Variants in GPR158 observed in about 807,000 individuals in gnomAD.
The protein encoded by GPR158 is metabotropic glycine receptor.
A neutral mutation model predicts 78.2 loss-of-function variants in GPR158; 30 were observed. That is an observed-to-expected ratio of 0.38 (90% CI 0.29 to 0.52). GPR158 has a LOEUF of 0.52. Among genes scored for constraint, GPR158 ranks in the 20% least tolerant of loss-of-function variants. The pLI is 0.83. For missense variants in GPR158, 1,463 were observed against 1,523.5 expected (o/e 0.96, Z 0.66); for synonymous variants, 581 against 591.1 (o/e 0.98, Z 0.25).
At chr10:25,192,231 C>G (rs554766518) in intron 1 of GPR158, among the ~76,000 whole-genome samples, 56 of 152,254 alleles carry the variant, frequency 3.7e-4, no homozygotes, top group African/African-American at 1.3e-3. Flanking sequence ...TCATTTTCCC[C>G]ACTGCCACCT....
At position 25,176,372 on chromosome 10, in the gene GPR158, C is replaced by A; in HGVS notation, c.902+50C>A. 7.1e-7 allele frequency: 1 copy of A among 1,408,776 alleles called. No homozygotes were observed. The highest frequency in any genetic ancestry group is 9.6e-7 in the Non-Finnish European group (1 of 1,041,930). The allele number at this position is 1,408,776 out of a possible 1,614,324, so 87.3% of individuals were successfully genotyped here. A position where few individuals can be genotyped will look rare whatever the true frequency, so the allele number is the denominator to read the frequency against. On this transcript the variant is annotated intron_variant, in intron 1 of 10. Coordinates refer to ENST00000376351, the MANE Select transcript of GPR158 (RefSeq NM_020752.3). This position sits in a 1 kb window ranked among gnomAD's most constrained non-coding sequence, Gnocchi z 6.3. ...GGAAGGCAAAAGCGAAGCTTTCCTT[C>A]CGGTCTTGTGGGTGGGTGCACGTGT...
chr10:25,275,770 C>A (rs561007721), intron 2 of GPR158, among the ~76,000 whole-genome samples: 3 of 152,006 alleles, frequency 2.0e-5, no homozygotes, highest in South Asian at 2.1e-4. Context: ...GTCATTTTGC[C>A]CAATTCTGTC....
chr10:25,504,442 T>G (rs575376739), intron 5 of GPR158, among the ~76,000 whole-genome samples: 11 of 152,330 alleles, frequency 7.2e-5, no homozygotes, highest in African/African-American at 2.6e-4. Flanking sequence ...CTCTAATCTC[T>G]TAGCCTTGTT....
intron 2 of GPR158, among the ~76,000 whole-genome samples, chr10:25,336,513 T>G (rs1249278770): frequency 5.3e-5 from 8 of 152,058 alleles, no homozygotes; most frequent in Non-Finnish European, 8.8e-5. Flanking sequence ...CTGATAGATC[T>G]TATCCTGTTT....
chr10:25,237,944 C>T (rs1324514650), intron 2 of GPR158, among the ~76,000 whole-genome samples: 1 of 151,814 alleles, frequency 6.6e-6, no homozygotes, highest in Non-Finnish European at 1.5e-5. Context: ...CCCTTTCTCA[C>T]TCCCTCCCCT....
chr10:25,418,137 A>C (rs1834689994), intron 4 of GPR158, among the ~76,000 whole-genome samples: 1 of 152,188 alleles, frequency 6.6e-6, no homozygotes, highest in African/African-American at 2.4e-5. Flanking sequence ...CTCAAATGAA[A>C]TATTAGGTGA....
chr10:25,476,677 A>G (rs1309910171), intron 5 of GPR158, among the ~76,000 whole-genome samples: 1 of 152,142 alleles, frequency 6.6e-6, no homozygotes, highest in East Asian at 1.9e-4. Flanking sequence ...AAAGCCAAGA[A>G]TTAAATCCAT....
At chr10:25,308,443 T>G (rs536064567) in intron 2 of GPR158, among the ~76,000 whole-genome samples, 1 of 152,290 alleles carries the variant, frequency 6.6e-6, no homozygotes, top group African/African-American at 2.4e-5. Context: ...GACTGTCTTT[T>G]TATGTGGTTA....
At chr10:25,508,281 A>G (rs1306275269) in intron 5 of GPR158, among the ~76,000 whole-genome samples, 2 of 152,150 alleles carry the variant, frequency 1.3e-5, no homozygotes, top group Non-Finnish European at 2.9e-5. Flanking sequence ...GAAAACTGAA[A>G]CCACATGCTC....
At chr10:25,342,396 T>C (rs1186725564) in intron 2 of GPR158, among the ~76,000 whole-genome samples, 1 of 151,994 alleles carries the variant, frequency 6.6e-6, no homozygotes, top group Non-Finnish European at 1.5e-5. Flanking sequence ...TCCTAATACC[T>C]GTTTTTCTTA....
At chr10:25,337,635 T>C (rs896247059) in intron 2 of GPR158, among the ~76,000 whole-genome samples, 2 of 152,078 alleles carry the variant, frequency 1.3e-5, no homozygotes, top group Non-Finnish European at 2.9e-5. Context: ...TATTTATACA[T>C]TTCTGTTGAG....
At chr10:25,293,996 C>T (rs1854476649) in intron 2 of GPR158, among the ~76,000 whole-genome samples, 1 of 152,192 alleles carries the variant, frequency 6.6e-6, no homozygotes. Context: ...TCACCTGCCT[C>T]AGCCTCCCAA....
Position 25,176,066 on chromosome 10 carries a change from G to A in GPR158, c.646G>A (p.Ala216Thr), listed in dbSNP as rs968674168. 1.9e-6 allele frequency: 3 copies of A among 1,604,184 alleles called. No individual in the cohort carries two copies. The South Asian group carries it at 3.3e-5, about 18-fold the overall frequency. ...CTCCTCCGCACCCCACCTGGCCAACGCCACTCTGGAGACCGAGTGGTTCCA... is the reference window on the plus strand; with the variant it reads ...CTCCTCCGCACCCCACCTGGCCAACACCACTCTGGAGACCGAGTGGTTCCA... Reference protein sequence around the residue: ...LSSSAPHLANATLETEWFHGL... With the variant: ...LSSSAPHLANTTLETEWFHGL... Residue 216 changes from alanine to threonine, a missense_variant, in exon 1 of 11, where the codon GCC becomes ACC. Coordinates refer to ENST00000376351, the MANE Select transcript of GPR158 (RefSeq NM_020752.3). The surrounding 1 kb of genome is among the most constrained non-coding windows in gnomAD (Gnocchi z 6.3).
chr10:25,435,722 G>A (rs1323571494), intron 4 of GPR158, among the ~76,000 whole-genome samples: 1 of 152,138 alleles, frequency 6.6e-6, no homozygotes, highest in Non-Finnish European at 1.5e-5. Context: ...ATTTATAGGT[G>A]GTCCTGTTGA....
rs528500316 is a variant in GPR158 at position 25,284,853 on chromosome 10, A to G, written c.1008+63696A>G. The stretch of plus-strand genomic sequence containing the variant: ...CTCAAAGTCTACCTTAAAATAATAT[A>G]CTGTTTCAATATAGTATAAATACTT... On this transcript the variant is annotated intron_variant, in intron 2 of 10. Coordinates refer to ENST00000376351, the MANE Select transcript of GPR158 (RefSeq NM_020752.3). Among the ~76,000 whole-genome samples the G allele has an allele frequency of 8.5e-5, 13 of 152,210 alleles. No individual in the cohort carries two copies. In the East Asian group the frequency reaches 2.5e-3, roughly 29 times the overall value.
At chr10:25,595,860 C>G (rs145981678) in intron 9 of GPR158, among the ~76,000 whole-genome samples, 1 of 152,210 alleles carries the variant, frequency 6.6e-6, no homozygotes, top group East Asian at 1.9e-4. Context: ...GACATATACA[C>G]TTTAAAGTTA....
At chr10:25,406,323 A>G (rs182054794) in intron 3 of GPR158, among the ~76,000 whole-genome samples, 1 of 152,238 alleles carries the variant, frequency 6.6e-6, no homozygotes, top group Admixed American at 6.5e-5. Flanking sequence ...AGGGCATTGT[A>G]TACAGTTTTT....
chr10:25,239,587 G>A (rs142925277), intron 2 of GPR158, among the ~76,000 whole-genome samples: 5 of 142,190 alleles, frequency 3.5e-5, no homozygotes, highest in African/African-American at 1.4e-4. Flanking sequence ...CAGCTTGGGT[G>A]ACAGAGCGAG....
intron 4 of GPR158, among the ~76,000 whole-genome samples, chr10:25,417,780 C>T (rs1323706336): frequency 2.0e-5 from 3 of 152,090 alleles, no homozygotes; most frequent in Non-Finnish European, 4.4e-5. Context: ...CCAGAAGACA[C>T]CCTGAGGGAG....
Sources: allele counts gnomAD v4.1 joint callset (sites outside exome capture counted in the v4.1 genomes callset), GRCh38; gene constraint gnomAD v4.1.1; non-coding constraint Gnocchi (gnomAD v3.1); transcripts MANE v1.5; gene names NCBI Gene and HGNC (gene_info 2026-07-23, HGNC 2026-07-21).